Variants in CREM observed in about 807,000 individuals in gnomAD.
CREM encodes the protein cAMP responsive element modulator, also known as cAMP-responsive element modulator.
CREM carries 13 observed loss-of-function variants against 37.3 expected under a neutral mutation model. The ratio of observed to expected loss-of-function variants is 0.35; its 90% CI spans 0.23 to 0.55. The LOEUF (loss-of-function observed/expected upper bound fraction) is 0.55. Ranked by LOEUF, CREM falls within the 20% of genes least tolerant of loss-of-function variation. CREM has a pLI of 0.88. For missense variants in CREM, 296 were observed against 362.3 expected (o/e 0.82, Z 1.49); for synonymous variants, 124 against 120.2 (o/e 1.03, Z -0.21).
chr10:35,195,073 G>C, intron 6 of CREM: 1 of 1,037,756 alleles, frequency 9.6e-7, no homozygotes, highest in Non-Finnish European at 1.4e-6. Context: ...TGATAGGCTA[G>C]TGATGTCATT....
At chr10:35,139,535 G>T (rs1051333723) in intron 2 of CREM, among the ~76,000 whole-genome samples, 2 of 151,986 alleles carry the variant, frequency 1.3e-5, no homozygotes, top group African/African-American at 4.8e-5. Flanking sequence ...CGTTTTTATT[G>T]TTTTATCCTT....
intron 7 of CREM, among the ~76,000 whole-genome samples, 161 bp downstream of exon 7, chr10:35,207,212 G>A (rs2095548186): frequency 6.6e-6 from 1 of 151,646 alleles, no homozygotes; most frequent in East Asian, 2.0e-4. Context: ...CTAACACGGT[G>A]AAACCCCATC....
At chr10:35,138,357 T>A (rs1224559322) in intron 2 of CREM, among the ~76,000 whole-genome samples, 1 of 152,206 alleles carries the variant, frequency 6.6e-6, no homozygotes, top group Non-Finnish European at 1.5e-5. Flanking sequence ...AAGAGAAAAT[T>A]GATTTTCCAC....
intron 5 of CREM, among the ~76,000 whole-genome samples, chr10:35,182,726 A>G (rs1368990675): frequency 1.3e-5 from 2 of 152,216 alleles, no homozygotes; most frequent in Non-Finnish European, 2.9e-5. Flanking sequence ...CTCCCTGGGG[A>G]GTAGGAAAAA....
chr10:35,208,084 G>A (rs1468850292), intron 7 of CREM, among the ~76,000 whole-genome samples: 2 of 152,178 alleles, frequency 1.3e-5, no homozygotes, highest in Non-Finnish European at 2.9e-5. Context: ...TGAAGTGTAA[G>A]TGAGGCGTTA....
At chr10:35,184,462 A>T (rs2094470406) in intron 5 of CREM, among the ~76,000 whole-genome samples, 1 of 152,202 alleles carries the variant, frequency 6.6e-6, no homozygotes, top group Non-Finnish European at 1.5e-5. Flanking sequence ...AATTTTGTTT[A>T]TTGTCAGATG....
intron 2 of CREM, among the ~76,000 whole-genome samples, chr10:35,144,993 C>G (rs1284329214): frequency 6.6e-6 from 1 of 151,498 alleles, no homozygotes; most frequent in African/African-American, 2.4e-5. Context: ...AACCCCGTGT[C>G]TACTAAAAAT....
At chr10:35,178,138 A>G (rs2094179650) in intron 3 of CREM, among the ~76,000 whole-genome samples, 1 of 152,220 alleles carries the variant, frequency 6.6e-6, no homozygotes, top group Admixed American at 6.5e-5. Flanking sequence ...CCCTCAAAGT[A>G]TTAATAATTG....
At position 35,142,417 on chromosome 10, in the gene CREM, G is replaced by A. The variant is rs147710561; in HGVS notation, c.44+4538G>A. Reference sequence around the variant, plus strand: ...AATAGCTTTGTTGATTTGGTTGTGGGAAGTTGATGGAGTTCTCATTAGAGA... The same window carrying A: ...AATAGCTTTGTTGATTTGGTTGTGGAAAGTTGATGGAGTTCTCATTAGAGA... On this transcript the variant is annotated intron_variant, in intron 2 of 7. Coordinates refer to ENST00000685392, the MANE Select transcript of CREM (RefSeq NM_183011.2). Among the ~76,000 whole-genome samples, 35 of 152,216 alleles carry A rather than the reference G, an allele frequency of 2.3e-4. No homozygotes were observed. The East Asian group carries it at 6.4e-3, about 28-fold the overall frequency.
At chr10:35,136,326 A>G (rs1193697859) in intron 1 of CREM, among the ~76,000 whole-genome samples, 2 of 152,200 alleles carry the variant, frequency 1.3e-5, no homozygotes, top group Non-Finnish European at 2.9e-5. Flanking sequence ...TTTAGATTGC[A>G]GGCTCCTGGA....
chr10:35,186,759 TATATATA>T (rs1245995430), intron 5 of CREM, among the ~76,000 whole-genome samples: 2 of 131,478 alleles, frequency 1.5e-5, no homozygotes, highest in Non-Finnish European at 3.1e-5. Flanking sequence ...TATATATAGT[TATATATA>T]ATATATAACA....
chr10:35,135,210 A>G (rs16915801), intron 1 of CREM, among the ~76,000 whole-genome samples: 22,956 of 152,112 alleles, frequency 0.15, 1,953 homozygotes, highest in East Asian at 0.24. Context: ...GAAATCCATA[A>G]CCAGGCAAAA....
chr10:35,146,961 T>C (rs1202006517), intron 2 of CREM, among the ~76,000 whole-genome samples: 1 of 151,614 alleles, frequency 6.6e-6, no homozygotes, highest in Non-Finnish European at 1.5e-5. Flanking sequence ...ATAGTTAGAC[T>C]AAGGTGAAAA....
intron 3 of CREM, among the ~76,000 whole-genome samples, chr10:35,164,755 A>G (rs1017310279): frequency 6.6e-6 from 1 of 152,250 alleles, no homozygotes; most frequent in South Asian, 2.1e-4. Flanking sequence ...TTGCATTGCT[A>G]TAAAGGAATA....
chr10:35,174,124 C>T (rs1395603736), intron 3 of CREM, among the ~76,000 whole-genome samples: 1 of 152,062 alleles, frequency 6.6e-6, no homozygotes, highest in South Asian at 2.1e-4. Flanking sequence ...CTGAATTTTC[C>T]CTGTGGGCTA....
At chr10:35,194,222 C>A (rs936183035) in intron 6 of CREM, among the ~76,000 whole-genome samples, 3 of 151,412 alleles carry the variant, frequency 2.0e-5, no homozygotes, top group South Asian at 2.1e-4. Context: ...GAACATTCGC[C>A]CATTTTTGTG....
intron 3 of CREM, among the ~76,000 whole-genome samples, chr10:35,162,313 A>G (rs2093338069): frequency 6.6e-6 from 1 of 152,140 alleles, no homozygotes; most frequent in African/African-American, 2.4e-5. Context: ...AGAATATATA[A>G]TTACAGTTAG....
intron 2 of CREM, 26 bp downstream of exon 2, chr10:35,137,905 C>A: frequency 1.9e-6 from 3 of 1,560,244 alleles, no homozygotes; most frequent in South Asian, 1.2e-5. Flanking sequence ...TTTTTCTGTT[C>A]TTTTGAAAAT....
At chr10:35,179,024 T>C in intron 4 of CREM, 38 bp downstream of exon 4, 1 of 1,563,220 alleles carries the variant, frequency 6.4e-7, no homozygotes, top group Non-Finnish European at 8.7e-7. Flanking sequence ...AGATACTTTT[T>C]CCAAAATGGT....
Sources: allele counts gnomAD v4.1 joint callset (sites outside exome capture counted in the v4.1 genomes callset), GRCh38; gene constraint gnomAD v4.1.1; transcripts MANE v1.5; gene names NCBI Gene and HGNC (gene_info 2026-07-23, HGNC 2026-07-21).